Variants in KHDRBS2 observed in about 807,000 individuals in gnomAD.
The protein encoded by KHDRBS2 is KH RNA binding domain containing, signal transduction associated 2, also known as KH domain-containing, RNA-binding, signal transduction-associated protein 2.
KHDRBS2 carries 26 observed loss-of-function variants against 44.3 expected under a neutral mutation model. That is an observed-to-expected ratio of 0.59 (90% CI 0.43 to 0.81). The LOEUF is 0.81. KHDRBS2 is among the 40% of genes least tolerant of loss of function. The probability of loss-of-function intolerance (pLI) is 0.00; values close to 1 mark genes in which losing one functional copy is unlikely to be tolerated. For synonymous variants in KHDRBS2, 194 were observed against 151.1 expected, an observed-to-expected ratio of 1.28 and a Z score of -2.08; for missense variants, 476 against 433.1, an observed-to-expected ratio of 1.10 and a Z score of -0.88.
intron 1 of KHDRBS2, among the ~76,000 whole-genome samples, chr6:62,203,626 T>C (rs564380388): frequency 6.6e-6 from 1 of 152,162 alleles, no homozygotes; most frequent in South Asian, 2.1e-4. Context: ...AGCATCCATA[T>C]GAGGTTATCC....
At chr6:61,714,885 A>C (rs576999269) in intron 7 of KHDRBS2, among the ~76,000 whole-genome samples, 1 of 151,910 alleles carries the variant, frequency 6.6e-6, no homozygotes, top group East Asian at 1.9e-4. Context: ...CAGACAATGG[A>C]GACTCAGAAG....
At chr6:61,980,560 A>G (rs1027819015) in intron 3 of KHDRBS2, among the ~76,000 whole-genome samples, 1 of 152,200 alleles carries the variant, frequency 6.6e-6, no homozygotes, top group Non-Finnish European at 1.5e-5. Flanking sequence ...AATTTGTTTT[A>G]ATAGACTTGT....
chr6:61,652,642 C>G, the KHDRBS2 span, among the ~76,000 whole-genome samples: 2 of 152,156 alleles, frequency 1.3e-5, no homozygotes, highest in Admixed American at 1.3e-4. Context: ...AGGAATATTA[C>G]TTGATTCAAA....
chr6:61,902,857 C>T (rs1191485371), intron 4 of KHDRBS2, among the ~76,000 whole-genome samples: 1 of 151,532 alleles, frequency 6.6e-6, no homozygotes, highest in African/African-American at 2.4e-5. Flanking sequence ...GGCAGGGAAG[C>T]ATTCAGCCTA....
chr6:61,551,197 T>G, the KHDRBS2 span, among the ~76,000 whole-genome samples: 1 of 152,150 alleles, frequency 6.6e-6, no homozygotes, highest in Non-Finnish European at 1.5e-5. Flanking sequence ...TCCTCTGACC[T>G]TTTTTCAATG....
intron 1 of KHDRBS2, among the ~76,000 whole-genome samples, chr6:62,221,978 T>C (rs1002351993): frequency 3.3e-5 from 5 of 152,138 alleles, no homozygotes; most frequent in African/African-American, 1.2e-4. Context: ...AATTAAGTCC[T>C]AAACAAGTAG....
At chr6:61,562,249 C>G in the KHDRBS2 span, among the ~76,000 whole-genome samples, 1 of 152,156 alleles carries the variant, frequency 6.6e-6, no homozygotes, top group African/African-American at 2.4e-5. Flanking sequence ...AGAGACTACT[C>G]TAGCCTGAGA....
At chr6:61,960,276 T>C (rs764766710) in intron 4 of KHDRBS2, among the ~76,000 whole-genome samples, 4 of 152,092 alleles carry the variant, frequency 2.6e-5, no homozygotes, top group African/African-American at 4.8e-5. Flanking sequence ...TTTCTACTCA[T>C]ATTGAGACAA....
chr6:61,776,982 T>G (rs1782144299), intron 6 of KHDRBS2, among the ~76,000 whole-genome samples: 1 of 152,164 alleles, frequency 6.6e-6, no homozygotes, highest in Non-Finnish European at 1.5e-5. Context: ...GTTCATGTCC[T>G]TTGTAGGGAC....
intron 6 of KHDRBS2, among the ~76,000 whole-genome samples, chr6:61,851,748 C>T (rs1262512053): frequency 6.6e-6 from 1 of 152,088 alleles, no homozygotes; most frequent in African/African-American, 2.4e-5. Flanking sequence ...TTATGGCAAC[C>T]TAGTGAACTA....
chr6:61,946,608 T>A (rs1813417523), intron 4 of KHDRBS2, among the ~76,000 whole-genome samples: 1 of 152,132 alleles, frequency 6.6e-6, no homozygotes. Flanking sequence ...GAGGGGCTAT[T>A]TGAAGAAGTG....
At chr6:61,620,054 A>C in the KHDRBS2 span, among the ~76,000 whole-genome samples, 1 of 152,156 alleles carries the variant, frequency 6.6e-6, no homozygotes, top group Admixed American at 6.5e-5. Flanking sequence ...CTTACCACAT[A>C]ATAATTTTTC....
At chr6:61,710,775 A>T (rs529643928) in intron 7 of KHDRBS2, among the ~76,000 whole-genome samples, 1 of 143,756 alleles carries the variant, frequency 7.0e-6, no homozygotes, top group East Asian at 2.1e-4. Context: ...CAGGTAGATC[A>T]GCTCTCATTG....
chr6:62,101,728 G>A (rs549580666), intron 2 of KHDRBS2, among the ~76,000 whole-genome samples: 2 of 152,288 alleles, frequency 1.3e-5, no homozygotes, highest in South Asian at 4.1e-4. Context: ...ATGGATAGAT[G>A]ATCAGTAATT....
At chr6:62,264,028 T>C (rs1318208088) in intron 1 of KHDRBS2, among the ~76,000 whole-genome samples, 5 of 151,900 alleles carry the variant, frequency 3.3e-5, no homozygotes, top group Admixed American at 3.3e-4. Context: ...AAATGCAATC[T>C]GAAAACATCA....
intron 4 of KHDRBS2, among the ~76,000 whole-genome samples, chr6:61,955,203 T>C (rs183410465): frequency 6.9e-4 from 100 of 145,250 alleles, no homozygotes; most frequent in African/African-American, 2.3e-3. Context: ...TGTATACATA[T>C]ATATGTATAC....
At chr6:62,236,397 A>G (rs1205827889) in intron 1 of KHDRBS2, among the ~76,000 whole-genome samples, 3 of 152,024 alleles carry the variant, frequency 2.0e-5, no homozygotes, top group African/African-American at 7.2e-5. Context: ...TTCAGGATTT[A>G]CAACATAATT....
intron 1 of KHDRBS2, among the ~76,000 whole-genome samples, chr6:62,229,054 G>A (rs185095579): frequency 2.6e-5 from 4 of 151,442 alleles, no homozygotes; most frequent in East Asian, 1.9e-4. Context: ...GCTTCGTTTC[G>A]GGGGGAAACA....
chr6:61,928,588 A>G (rs16900674), intron 4 of KHDRBS2, among the ~76,000 whole-genome samples: 10,616 of 152,118 alleles, frequency 0.07, 428 homozygotes, highest in Middle Eastern at 0.14. Context: ...TACTCACAAT[A>G]CATTTTTCTG....
Sources: gnomAD v4.1 joint callset for allele counts (sites outside exome capture counted in the v4.1 genomes callset) on GRCh38, gnomAD v4.1.1 for gene constraint, MANE v1.5 for transcripts, NCBI Gene and HGNC (gene_info 2026-07-23, HGNC 2026-07-21) for gene names.